The following BANK1 variants were observed in gnomAD, a reference collection of about 807,000 sequenced individuals.
BANK1 encodes B-cell scaffold protein with ankyrin repeats.
A neutral mutation model predicts 94.5 loss-of-function variants in BANK1; 95 were observed. The observed-to-expected ratio is 1.00, with a 90% CI of 0.85 to 1.19. The LOEUF is 1.19. Ranked by LOEUF, BANK1 falls within the 50% of genes most tolerant of loss-of-function variation. BANK1 has a pLI of 0.00. For missense variants in BANK1, 987 were observed against 932.2 expected, an observed-to-expected ratio of 1.06 and a Z score of -0.77; for synonymous variants, 334 against 308.4, an observed-to-expected ratio of 1.08 and a Z score of -0.87.
At chr4:102,031,646 T>C (rs1727318521) in intron 10 of BANK1, among the ~76,000 whole-genome samples, 1 of 152,152 alleles carries the variant, frequency 6.6e-6, no homozygotes, top group South Asian at 2.1e-4. Flanking sequence ...AACCATAGGA[T>C]ATATGTAGAA....
chr4:101,932,687 A>T (rs932871853), intron 7 of BANK1, among the ~76,000 whole-genome samples: 1 of 151,500 alleles, frequency 6.6e-6, no homozygotes, highest in African/African-American at 2.4e-5. Context: ...CTTGTGAGTA[A>T]CATTTTTACA....
At chr4:101,972,151 T>C (rs923492577) in intron 7 of BANK1, among the ~76,000 whole-genome samples, 2 of 152,076 alleles carry the variant, frequency 1.3e-5, no homozygotes, top group Non-Finnish European at 2.9e-5. Context: ...TCCTCAGTTG[T>C]TTTTGTGAAT....
At chr4:101,818,798 T>C (rs1338150461) in intron 1 of BANK1, among the ~76,000 whole-genome samples, 1 of 151,994 alleles carries the variant, frequency 6.6e-6, no homozygotes, top group Non-Finnish European at 1.5e-5. Context: ...TATAGAGTTC[T>C]ATGCTATCTG....
chr4:101,840,259 C>T (rs563962946), intron 2 of BANK1, among the ~76,000 whole-genome samples: 97 of 152,026 alleles, frequency 6.4e-4, no homozygotes, highest in African/African-American at 2.2e-3. Context: ...TGAGCCACCG[C>T]GCCCGGCCAA....
chr4:101,985,455 T>C (rs1725449782), intron 7 of BANK1, among the ~76,000 whole-genome samples: 1 of 152,180 alleles, frequency 6.6e-6, no homozygotes, highest in Non-Finnish European at 1.5e-5. Context: ...TCACTAAATC[T>C]GGTTTTTTTT....
intron 13 of BANK1, among the ~76,000 whole-genome samples, chr4:102,065,540 T>G (rs1728562357): frequency 6.6e-6 from 1 of 151,976 alleles, no homozygotes; most frequent in South Asian, 2.1e-4. Flanking sequence ...AAAGAAGACA[T>G]ACAAAGATAC....
chr4:101,986,899 G>GTGTGTATATATATA (rs1343197093), intron 7 of BANK1, among the ~76,000 whole-genome samples: 21 of 82,660 alleles, frequency 2.5e-4, no homozygotes, highest in African/African-American at 1.1e-3. Flanking sequence ...GTGTGTGTGT[G>GTGTGTATATATATA]TATATATATA....
At chr4:101,982,117 G>A (rs1725343748) in intron 7 of BANK1, among the ~76,000 whole-genome samples, 2 of 152,050 alleles carry the variant, frequency 1.3e-5, no homozygotes, top group Admixed American at 1.3e-4. Flanking sequence ...TCTTTGCAGG[G>A]ATCTCTTCTA....
intron 7 of BANK1, among the ~76,000 whole-genome samples, chr4:101,932,777 A>G (rs1220189786): frequency 6.6e-6 from 1 of 151,520 alleles, no homozygotes; most frequent in Admixed American, 6.6e-5. Flanking sequence ...CGGAACAGAG[A>G]GGTGCTCTTT....
chr4:101,943,270 G>A (rs1281656918), intron 7 of BANK1, among the ~76,000 whole-genome samples: 2 of 151,930 alleles, frequency 1.3e-5, no homozygotes, highest in Non-Finnish European at 2.9e-5. Flanking sequence ...ATATTAAAGG[G>A]GTTTATGCAG....
chr4:101,795,673 G>A (rs1424873815), intron 1 of BANK1, among the ~76,000 whole-genome samples: 1 of 152,088 alleles, frequency 6.6e-6, no homozygotes, highest in African/African-American at 2.4e-5. Flanking sequence ...TAAAATTGAG[G>A]CAAAATCTAC....
chr4:101,910,888 A>G (rs1341210685), intron 6 of BANK1, among the ~76,000 whole-genome samples: 2 of 152,130 alleles, frequency 1.3e-5, no homozygotes, highest in Non-Finnish European at 2.9e-5. Flanking sequence ...GATAAACAGG[A>G]CACAGCCCAC....
chr4:101,839,289 T>C (rs1726942829), intron 2 of BANK1, among the ~76,000 whole-genome samples: 1 of 152,196 alleles, frequency 6.6e-6, no homozygotes. Flanking sequence ...ATGGTTTTTT[T>C]CAGGAACTAT....
intron 1 of BANK1, among the ~76,000 whole-genome samples, chr4:101,809,389 G>T (rs946166231): frequency 6.6e-6 from 1 of 152,022 alleles, no homozygotes; most frequent in South Asian, 2.1e-4. Flanking sequence ...TACATATTAG[G>T]TACAGTGTAC....
At chr4:102,052,397 T>C (rs1728083019) in intron 11 of BANK1, among the ~76,000 whole-genome samples, 1 of 152,114 alleles carries the variant, frequency 6.6e-6, no homozygotes, top group African/African-American at 2.4e-5. Flanking sequence ...ATTACAGGCA[T>C]GAGCCACCAC....
intron 1 of BANK1, among the ~76,000 whole-genome samples, chr4:101,820,828 A>T (rs1726113363): frequency 6.6e-6 from 1 of 152,166 alleles, no homozygotes. Flanking sequence ...GGTGCATAGT[A>T]TTCCATGGTG....
At chr4:101,811,705 T>C (rs1016000644) in intron 1 of BANK1, among the ~76,000 whole-genome samples, 2 of 152,114 alleles carry the variant, frequency 1.3e-5, no homozygotes. Context: ...TCAGATCTTT[T>C]TGATTTGTAA....
intron 5 of BANK1, among the ~76,000 whole-genome samples, chr4:101,875,201 G>A (rs1728443722): frequency 8.4e-6 from 1 of 119,280 alleles, no homozygotes; most frequent in Non-Finnish European, 1.7e-5. Context: ...GGGAGCAGGT[G>A]TGGTGCAGAG....
At chr4:101,909,552 A>C (rs1722586871) in intron 6 of BANK1, among the ~76,000 whole-genome samples, 1 of 151,550 alleles carries the variant, frequency 6.6e-6, no homozygotes, top group East Asian at 1.9e-4. Flanking sequence ...ACACACACAC[A>C]CAAAAAAATG....
Sources: allele counts gnomAD v4.1 joint callset (sites outside exome capture counted in the v4.1 genomes callset), GRCh38; gene constraint gnomAD v4.1.1; transcripts MANE v1.5; gene names NCBI Gene and HGNC (gene_info 2026-07-23, HGNC 2026-07-21).